FANCB: variants seen among roughly 807,000 people sequenced by gnomAD.
FANCB encodes Fanconi anemia group B protein.
In FANCB, 5 loss-of-function variants were observed where a neutral mutation model predicts 38.9. The observed-to-expected ratio is 0.13, with a 90% CI of 0.07 to 0.27. The LOEUF is 0.27. Ranked by LOEUF, FANCB falls within the 10% of genes least tolerant of loss-of-function variation. The probability of loss-of-function intolerance (pLI) is 1.00; values close to 1 mark genes in which losing one functional copy is unlikely to be tolerated. For missense variants in FANCB, 573 were observed against 602.7 expected (o/e 0.95, Z 0.52); for synonymous variants, 236 against 215.4 (o/e 1.10, Z -0.84).
downstream of FANCB, among the ~76,000 whole-genome samples, chrX:14,843,122 A>C (rs949768687): frequency 8.9e-6 from 1 of 112,101 alleles, no homozygotes; most frequent in African/African-American, 3.2e-5. Context: ...AGACCAAAAT[A>C]CTATTATGCC....
the FANCB span, among the ~76,000 whole-genome samples, chrX:14,786,496 G>A: frequency 9.0e-6 from 1 of 111,030 alleles, no homozygotes; most frequent in East Asian, 2.8e-4. Flanking sequence ...TGCTTGCCAA[G>A]AATGGAACCT....
chrX:14,749,806 G>T, the FANCB span, among the ~76,000 whole-genome samples: 3 of 111,637 alleles, frequency 2.7e-5, no homozygotes, highest in Non-Finnish European at 5.6e-5. Context: ...TCATATATTG[G>T]TAATTCAACT....
the FANCB span, among the ~76,000 whole-genome samples, chrX:14,735,665 C>T: frequency 1.8e-5 from 2 of 112,144 alleles, no homozygotes; most frequent in East Asian, 5.7e-4. Flanking sequence ...CATGAGGTGT[C>T]TGTTGACCCC....
chrX:14,864,737 G>C lies in FANCB; in HGVS notation c.774C>G (p.Ala258=), dbSNP rs1168908937. Residue 258 remains alanine (A), a synonymous_variant, in exon 3 of 10, where the codon GCC becomes GCG. Transcript: ENST00000650831. ...AAATCAGCTGATTCTTTCGAGTAAG[G>C]GCAATGAGAGATATTCTTAACTGGT... The part of the protein sequence containing the change: ...IKNQLRISLI[A]LTRKNQLISF... 8.3e-7 allele frequency: 1 copy of C among 1,209,899 alleles called. No individual in the cohort carries two copies. Among genetic ancestry groups the C allele is most frequent in the East Asian group, 3.0e-5 (1 of 33,776 alleles).
the FANCB span, chrX:14,690,757 G>A: frequency 1.7e-6 from 2 of 1,206,895 alleles, no homozygotes. Flanking sequence ...TGTGCCTTCT[G>A]TTTGTGTTTG....
At chrX:14,701,385 G>A in the FANCB span, among the ~76,000 whole-genome samples, 1 of 111,070 alleles carries the variant, frequency 9.0e-6, no homozygotes, top group African/African-American at 3.3e-5. Flanking sequence ...GCAACCCCTG[G>A]TTCAAAAACA....
At chrX:14,773,519 A>G in the FANCB span, among the ~76,000 whole-genome samples, 7 of 111,986 alleles carry the variant, frequency 6.3e-5, no homozygotes, top group Non-Finnish European at 1.1e-4. Context: ...ATGCTGGAAG[A>G]AAAAGGAGAG....
chrX:14,774,615 A>T, the FANCB span, among the ~76,000 whole-genome samples: 1 of 112,077 alleles, frequency 8.9e-6, no homozygotes, highest in African/African-American at 3.2e-5. Context: ...AGGAAAATGA[A>T]CAAATTTCCT....
chrX:14,751,568 C>G, the FANCB span, among the ~76,000 whole-genome samples: 1 of 111,557 alleles, frequency 9.0e-6, no homozygotes, highest in Non-Finnish European at 1.9e-5. Flanking sequence ...TTACTGGGTA[C>G]ACTCAGTTTG....
the FANCB span, among the ~76,000 whole-genome samples, chrX:14,826,831 T>A: frequency 8.9e-6 from 1 of 112,175 alleles, no homozygotes; most frequent in African/African-American, 3.2e-5. Flanking sequence ...GTGACATAGA[T>A]TGATGAGTCT....
chrX:14,738,469 C>G, the FANCB span, among the ~76,000 whole-genome samples: 1 of 111,801 alleles, frequency 8.9e-6, no homozygotes, highest in African/African-American at 3.2e-5. Flanking sequence ...TGCCAAAGCT[C>G]AAATCCCCAA....
Position 14,865,298 on chromosome X carries a change from G to A in FANCB, c.213C>T (p.Asn71=). The A allele has an allele frequency of 3.4e-6, 4 of 1,160,153 alleles. No homozygotes were observed. The highest frequency in any genetic ancestry group is 4.6e-6 in the Non-Finnish European group (4 of 871,473). The change falls in exon 3 of 10, where the codon AAC becomes AAT. Residue 71 remains asparagine (N), a synonymous_variant. Transcript: ENST00000650831. ...TGCAACACATGATTTTTAAATGAGA[G>A]TTTTCTTCCTTTATGGTAAAAAATC... ...STGFFTIKEE[N]SHLKIMCCNC...
At chrX:14,711,335 T>C in the FANCB span, among the ~76,000 whole-genome samples, 1 of 112,460 alleles carries the variant, frequency 8.9e-6, no homozygotes, top group African/African-American at 3.2e-5. Flanking sequence ...CAACTGTTTA[T>C]AAATTGGAAT....
chrX:14,693,663 A>G, the FANCB span, among the ~76,000 whole-genome samples: 2 of 112,268 alleles, frequency 1.8e-5, no homozygotes, highest in Non-Finnish European at 3.8e-5. Flanking sequence ...GTCAGAAGAA[A>G]CATTTTGGTA....
chrX:14,758,569 T>G, the FANCB span, among the ~76,000 whole-genome samples: 1 of 111,982 alleles, frequency 8.9e-6, no homozygotes, highest in East Asian at 2.8e-4. Flanking sequence ...TACTCCCCAG[T>G]ACCGACCTGG....
chrX:14,801,976 G>A, the FANCB span, among the ~76,000 whole-genome samples: 1 of 111,409 alleles, frequency 9.0e-6, no homozygotes, highest in Non-Finnish European at 1.9e-5. Context: ...TTGAAACCTT[G>A]GGACTGTGGT....
At chrX:14,791,210 G>C in the FANCB span, among the ~76,000 whole-genome samples, 3 of 112,092 alleles carry the variant, frequency 2.7e-5, no homozygotes, top group Non-Finnish European at 5.6e-5. Context: ...TGAAAACAGG[G>C]TCTTTACAGA....
At chrX:14,810,004 A>T in the FANCB span, among the ~76,000 whole-genome samples, 6 of 111,787 alleles carry the variant, frequency 5.4e-5, no homozygotes, top group Non-Finnish European at 7.5e-5. Flanking sequence ...AAACGATCAG[A>T]CAGCAGCATT....
the FANCB span, among the ~76,000 whole-genome samples, chrX:14,719,020 C>T: frequency 6.0e-4 from 67 of 111,831 alleles, no homozygotes; most frequent in African/African-American, 2.1e-3. Flanking sequence ...TTGACAAATA[C>T]ATTTTGCCAC....
Sources: gnomAD v4.1 joint callset for allele counts (sites outside exome capture counted in the v4.1 genomes callset) on GRCh38, gnomAD v4.1.1 for gene constraint, MANE v1.5 for transcripts, NCBI Gene and HGNC (gene_info 2026-07-23, HGNC 2026-07-21) for gene names.